Variants in DIP2C observed in about 807,000 individuals in gnomAD.
The protein encoded by DIP2C is disco-interacting protein 2 homolog C.
A neutral mutation model predicts 192.4 loss-of-function variants in DIP2C; 33 were observed. That is an observed-to-expected ratio of 0.17 (90% CI 0.13 to 0.23). The LOEUF (loss-of-function observed/expected upper bound fraction) is 0.23, where lower values mean the gene tolerates loss of function less well. DIP2C is among the 10% of genes least tolerant of loss of function. The probability of loss-of-function intolerance (pLI) is 1.00; values close to 1 mark genes in which losing one functional copy is unlikely to be tolerated. For synonymous variants in DIP2C, 979 were observed against 864.1 expected (o/e 1.13, Z -2.33); for missense variants, 1,537 against 2,110.1 (o/e 0.73, Z 5.32).
chr10:334,356 T>C (rs978654839), intron 29 of DIP2C, among the ~76,000 whole-genome samples: 17 of 144,336 alleles, frequency 1.2e-4, no homozygotes, highest in African/African-American at 4.4e-4. Context: ...TGCTTAGAAG[T>C]GCTTCATGAG....
chr10:646,025 G>A (rs1855432693), intron 1 of DIP2C, among the ~76,000 whole-genome samples: 2 of 152,208 alleles, frequency 1.3e-5, no homozygotes, highest in Admixed American at 6.5e-5. Flanking sequence ...ACACTTTCTG[G>A]AAAGGTGATG....
chr10:599,017 C>T (rs188390894), intron 1 of DIP2C, among the ~76,000 whole-genome samples: 92 of 152,332 alleles, frequency 6.0e-4, no homozygotes, highest in African/African-American at 2.2e-3. Context: ...CTCATCCTTG[C>T]ATCATAAAGC....
intron 17 of DIP2C, among the ~76,000 whole-genome samples, chr10:375,714 G>A (rs1427241930): frequency 6.6e-6 from 1 of 152,134 alleles, no homozygotes; most frequent in Non-Finnish European, 1.5e-5. Context: ...AGCCAGGCCA[G>A]GCTTGGGACA....
chr10:478,638 A>C, intron 2 of DIP2C, among the ~76,000 whole-genome samples: 2 of 132,422 alleles, frequency 1.5e-5, no homozygotes, highest in East Asian at 2.2e-4. Context: ...CTTATTCTCA[A>C]CTCATCCCGT....
chr10:578,228 G>A (rs934924856), intron 1 of DIP2C, among the ~76,000 whole-genome samples: 5 of 152,138 alleles, frequency 3.3e-5, no homozygotes, highest in African/African-American at 7.2e-5. Flanking sequence ...AGAAGATACT[G>A]CATTTGTCAT....
At chr10:517,388 C>A (rs1247233740) in intron 1 of DIP2C, among the ~76,000 whole-genome samples, 1 of 152,268 alleles carries the variant, frequency 6.6e-6, no homozygotes, top group East Asian at 1.9e-4. Context: ...AGTCCTGAGT[C>A]AGCAGCTGTT....
intron 23 of DIP2C, among the ~76,000 whole-genome samples, chr10:357,215 A>G (rs1959123710): frequency 6.6e-6 from 1 of 152,212 alleles, no homozygotes; most frequent in Non-Finnish European, 1.5e-5. Context: ...TCTAATGGGG[A>G]CCGTGGACGC....
intron 1 of DIP2C, among the ~76,000 whole-genome samples, chr10:644,534 C>T (rs555365346): frequency 1.3e-5 from 2 of 152,196 alleles, no homozygotes; most frequent in South Asian, 2.1e-4. Context: ...TAGAGCCACA[C>T]GGGTTCTGCC....
chr10:512,614 C>T (rs1354452200), intron 1 of DIP2C, among the ~76,000 whole-genome samples: 1 of 151,734 alleles, frequency 6.6e-6, no homozygotes, highest in Non-Finnish European at 1.5e-5. Context: ...CAACTGTATA[C>T]ATCATTATAG....
chr10:510,707 T>C (rs187294445), intron 1 of DIP2C, among the ~76,000 whole-genome samples: 12 of 152,326 alleles, frequency 7.9e-5, no homozygotes, highest in African/African-American at 2.6e-4. Context: ...AGAGAGCAGC[T>C]GACTGCATCT....
chr10:600,172 G>T (rs1851964917), intron 1 of DIP2C, among the ~76,000 whole-genome samples: 1 of 152,130 alleles, frequency 6.6e-6, no homozygotes, highest in South Asian at 2.1e-4. Flanking sequence ...GAAATAAGAG[G>T]GAAGACATTT....
At chr10:418,659 T>C (rs989488522) in intron 6 of DIP2C, among the ~76,000 whole-genome samples, 1 of 152,240 alleles carries the variant, frequency 6.6e-6, no homozygotes, top group African/African-American at 2.4e-5. Context: ...TAAAGCAACA[T>C]ATCAGCCCAT....
chr10:306,771 C>T (rs780570228), intron 32 of DIP2C, among the ~76,000 whole-genome samples: 2 of 152,174 alleles, frequency 1.3e-5, no homozygotes, highest in African/African-American at 4.8e-5. Flanking sequence ...ATCCAGCTGC[C>T]GGAGCTCATA....
intron 1 of DIP2C, among the ~76,000 whole-genome samples, chr10:547,216 C>T (rs816647): frequency 0.027 from 4,102 of 152,318 alleles, 182 homozygotes; most frequent in African/African-American, 0.093. Context: ...ACCCAGGGAG[C>T]TCCCCCAGCC....
chr10:557,020 C>T (rs1015317421), intron 1 of DIP2C, among the ~76,000 whole-genome samples: 3 of 152,202 alleles, frequency 2.0e-5, no homozygotes, highest in Non-Finnish European at 1.5e-5. Flanking sequence ...AGCCAGCCCT[C>T]GATGGTCCCA....
chr10:488,017 C>T (rs576321237), intron 1 of DIP2C, among the ~76,000 whole-genome samples: 4 of 152,224 alleles, frequency 2.6e-5, no homozygotes, highest in African/African-American at 7.2e-5. Context: ...CTTGTTAACC[C>T]GTTTTACAAA....
chr10:620,546 A>G (rs1853791841), intron 1 of DIP2C, among the ~76,000 whole-genome samples: 1 of 152,266 alleles, frequency 6.6e-6, no homozygotes, highest in Admixed American at 6.5e-5. Context: ...TTTAAGCACC[A>G]GACAAGAAAT....
chr10:328,598 A>AAATAT (rs10626677), intron 30 of DIP2C, among the ~76,000 whole-genome samples: 1 of 152,170 alleles, frequency 6.6e-6, no homozygotes, highest in Non-Finnish European at 1.5e-5. Flanking sequence ...TTTCCTATAT[A>AAATAT]AAAACTTAAA....
chr10:620,123 C>T (rs1002404568), intron 1 of DIP2C, among the ~76,000 whole-genome samples: 6 of 152,116 alleles, frequency 3.9e-5, no homozygotes, highest in East Asian at 1.9e-4. Context: ...TTACGGAGGA[C>T]GCCACAGCCG....
Sources: allele counts gnomAD v4.1 joint callset (sites outside exome capture counted in the v4.1 genomes callset), GRCh38; gene constraint gnomAD v4.1.1; transcripts MANE v1.5; gene names NCBI Gene and HGNC (gene_info 2026-07-23, HGNC 2026-07-21).